Variants in PIK3CB observed in about 807,000 individuals in gnomAD.
PIK3CB encodes phosphatidylinositol 4,5-bisphosphate 3-kinase catalytic subunit beta isoform.
A neutral mutation model predicts 136.8 loss-of-function variants in PIK3CB; 39 were observed. The ratio of observed to expected loss-of-function variants is 0.29; its 90% confidence interval spans 0.22 to 0.37. The LOEUF is 0.37. PIK3CB is among the 10% of genes least tolerant of loss of function. The pLI is 1.00. For missense variants in PIK3CB, 868 were observed against 1,275.4 expected (o/e 0.68, Z 4.87); for synonymous variants, 428 against 436.6 (o/e 0.98, Z 0.25).
At chr3:138,672,910 GAAAA>G (rs748631273) in intron 19 of PIK3CB, among the ~76,000 whole-genome samples, 4 of 61,362 alleles carry the variant, frequency 6.5e-5, no homozygotes, top group Non-Finnish European at 1.3e-4. Flanking sequence ...AGACTCCGTT[GAAAA>G]AAAAAAAAAA....
intron 1 of PIK3CB, among the ~76,000 whole-genome samples, chr3:138,831,896 C>T (rs1576439690): frequency 6.6e-6 from 1 of 152,006 alleles, no homozygotes. Flanking sequence ...TCCAGCCTGG[C>T]GACAGAGAGA....
At chr3:138,676,889 G>A (rs893366104) in intron 19 of PIK3CB, among the ~76,000 whole-genome samples, 3 of 151,518 alleles carry the variant, frequency 2.0e-5, no homozygotes, top group African/African-American at 7.3e-5. Context: ...GTTTTTGAAG[G>A]GTTGATAAAA....
At chr3:138,666,055 C>T (rs574452868) in intron 19 of PIK3CB, among the ~76,000 whole-genome samples, 1 of 152,242 alleles carries the variant, frequency 6.6e-6, no homozygotes, top group Admixed American at 6.5e-5. Flanking sequence ...CTAACTAGAC[C>T]AATACATTCT....
intron 2 of PIK3CB, among the ~76,000 whole-genome samples, chr3:138,791,534 T>C (rs1442141732): frequency 6.6e-6 from 1 of 152,064 alleles, no homozygotes; most frequent in Non-Finnish European, 1.5e-5. Context: ...TCCACCATCA[T>C]ACAGAGAAAA....
intron 1 of PIK3CB, chr3:138,825,362 G>A: frequency 1.8e-6 from 1 of 566,368 alleles, no homozygotes; most frequent in Non-Finnish European, 3.2e-6. Flanking sequence ...ATGCCCTTCT[G>A]GCTTATATGC....
chr3:138,763,432 C>T (rs554737791), intron 2 of PIK3CB, among the ~76,000 whole-genome samples: 69 of 152,156 alleles, frequency 4.5e-4, no homozygotes, highest in Middle Eastern at 6.8e-3. Context: ...CCACCGTGCC[C>T]GGCCCAGAAG....
At chr3:138,728,416 T>C (rs1196246889) in intron 8 of PIK3CB, among the ~76,000 whole-genome samples, 7 of 152,124 alleles carry the variant, frequency 4.6e-5, no homozygotes, top group Admixed American at 4.6e-4. Context: ...TAATAATGTA[T>C]AAAAAGGCTA....
intron 1 of PIK3CB, among the ~76,000 whole-genome samples, chr3:138,799,082 C>T (rs1324401941): frequency 6.6e-6 from 1 of 151,590 alleles, no homozygotes; most frequent in Non-Finnish European, 1.5e-5. Flanking sequence ...ATTAGCCGGG[C>T]GTGGTGGTGT....
intron 2 of PIK3CB, among the ~76,000 whole-genome samples, chr3:138,790,000 T>C (rs1488906940): frequency 6.6e-6 from 1 of 152,136 alleles, no homozygotes; most frequent in East Asian, 1.9e-4. Context: ...ATTCAGCCTT[T>C]AAAAGGAATG....
intron 5 of PIK3CB, among the ~76,000 whole-genome samples, chr3:138,739,213 A>AAGCG (rs2045183847): frequency 6.6e-6 from 1 of 152,134 alleles, no homozygotes; most frequent in African/African-American, 2.4e-5. Context: ...TGGGAGGCCG[A>AAGCG]GGTGGGCAGA....
intron 19 of PIK3CB, among the ~76,000 whole-genome samples, chr3:138,665,854 GCCA>G (rs953941696): frequency 2.6e-5 from 4 of 152,170 alleles, no homozygotes; most frequent in African/African-American, 9.7e-5. Context: ...ACAGGTGTGA[GCCA>G]CCACATCAGA....
chr3:138,744,502 C>T (rs1335672098), intron 4 of PIK3CB, among the ~76,000 whole-genome samples: 1 of 144,826 alleles, frequency 6.9e-6, no homozygotes, highest in Non-Finnish European at 1.5e-5. Context: ...AGAGGTTAGT[C>T]TTGCTGTCTC....
chr3:138,656,034 G>GATCT, intron 23 of PIK3CB, 108 bp downstream of exon 23: 1 of 1,132,290 alleles, frequency 8.8e-7, no homozygotes, highest in Non-Finnish European at 1.3e-6. Flanking sequence ...AACCATCTTA[G>GATCT]AGGAAATGAC....
At chr3:138,775,309 T>C (rs2108773578) in intron 2 of PIK3CB, among the ~76,000 whole-genome samples, 1 of 152,350 alleles carries the variant, frequency 6.6e-6, no homozygotes, top group South Asian at 2.1e-4. Flanking sequence ...GAAATGAATA[T>C]TTAATAAGTA....
At chr3:138,677,355 G>A (rs1233264728) in intron 19 of PIK3CB, among the ~76,000 whole-genome samples, 3 of 152,158 alleles carry the variant, frequency 2.0e-5, no homozygotes, top group African/African-American at 7.2e-5. Flanking sequence ...ACCGTGCCCA[G>A]CCTTACTCAA....
At chr3:138,719,455 A>T in intron 8 of PIK3CB, among the ~76,000 whole-genome samples, 1 of 152,028 alleles carries the variant, frequency 6.6e-6, no homozygotes. Flanking sequence ...CAAGTTGTCC[A>T]GGCTGGTCTC....
intron 1 of PIK3CB, among the ~76,000 whole-genome samples, chr3:138,802,334 C>A (rs549849281): frequency 1.3e-5 from 2 of 149,388 alleles, no homozygotes; most frequent in African/African-American, 4.9e-5. Flanking sequence ...GAGCCGAGAT[C>A]GCGCCATTGC....
At chr3:138,785,978 A>C (rs894005575) in intron 2 of PIK3CB, among the ~76,000 whole-genome samples, 4 of 152,238 alleles carry the variant, frequency 2.6e-5, no homozygotes, top group Non-Finnish European at 4.4e-5. Context: ...AAAATGAATA[A>C]AATACAGCTA....
At chr3:138,751,834 A>T (rs2045478153) in intron 4 of PIK3CB, among the ~76,000 whole-genome samples, 1 of 151,890 alleles carries the variant, frequency 6.6e-6, no homozygotes, top group South Asian at 2.1e-4. Context: ...AGCTGGGTGT[A>T]GTCATGCAAT....
Sources: allele counts gnomAD v4.1 joint callset (sites outside exome capture counted in the v4.1 genomes callset), GRCh38; gene constraint gnomAD v4.1.1; transcripts MANE v1.5; gene names NCBI Gene and HGNC (gene_info 2026-07-23, HGNC 2026-07-21).